Variants in TMCC2 observed in about 807,000 individuals in gnomAD.
The protein encoded by TMCC2 is transmembrane and coiled-coil domain family 2.
In TMCC2, 16 loss-of-function variants were observed where a neutral mutation model predicts 49.4. The ratio of observed to expected loss-of-function variants is 0.32; its 90% CI spans 0.22 to 0.49. TMCC2 has a LOEUF of 0.49. TMCC2 is among the 20% of genes least tolerant of loss of function. The probability of loss-of-function intolerance (pLI) is 0.99; values close to 1 mark genes in which losing one functional copy is unlikely to be tolerated. For missense variants in TMCC2, 762 were observed against 989.8 expected (o/e 0.77, Z 3.09); for synonymous variants, 397 against 434.1 (o/e 0.91, Z 1.06).
At chr1:205,268,878 C>A (rs775142019) in intron 2 of TMCC2, 72 bp from the exon 3 acceptor site, 2 of 1,475,894 alleles carry the variant, frequency 1.4e-6, no homozygotes, top group East Asian at 2.3e-5. Flanking sequence ...AAAACCAAGT[C>A]CAGAGGCATC....
At chr1:205,248,828 G>A (rs12070051) in intron 2 of TMCC2, among the ~76,000 whole-genome samples, 1 of 151,666 alleles carries the variant, frequency 6.6e-6, no homozygotes, top group Non-Finnish European at 1.5e-5. Context: ...TTCTCTCCTT[G>A]TTCAGAACCT....
Position 205,273,046 on chromosome 1 carries a change from C to CCAGCCCCACT in TMCC2, c.*923_*932dup, listed in dbSNP as rs1053746512. The stretch of plus-strand genomic sequence containing the variant: ...GCTGGGAGAAGTGGGACCGAGCCAC[C>CCAGCCCCACT]CAGCCCCACTATCCCCAAGCAGCCC... On this transcript the variant is annotated 3_prime_UTR_variant, in exon 5 of 5. Coordinates refer to ENST00000358024, the MANE Select transcript of TMCC2 (RefSeq NM_014858.4). The CCAGCCCCACT allele has an allele frequency of 1.1e-4, 17 of 152,272 alleles. No homozygotes were observed. The highest frequency in any genetic ancestry group is 9.2e-4 in the Admixed American group (14 of 15,294). 9.4% of individuals were successfully genotyped at this position (152,272 alleles called of 1,614,324 possible). A position where few individuals can be genotyped will look rare whatever the true frequency, so the allele number is the denominator to read the frequency against.
chr1:205,236,909 G>C (rs912603170), intron 1 of TMCC2: 1 of 152,100 alleles, frequency 6.6e-6, no homozygotes, highest in African/African-American at 2.4e-5. Flanking sequence ...CTAAAGACAT[G>C]GTGGATGAGG....
chr1:205,245,262 C>A (rs944465883), intron 2 of TMCC2, among the ~76,000 whole-genome samples: 1 of 152,102 alleles, frequency 6.6e-6, no homozygotes, highest in African/African-American at 2.4e-5. Context: ...ATGAGGGCTC[C>A]GGGGCAAGTG....
chr1:205,255,771 A>G (rs1343020453), intron 2 of TMCC2, among the ~76,000 whole-genome samples: 7 of 152,270 alleles, frequency 4.6e-5, no homozygotes, highest in African/African-American at 9.6e-5. Context: ...CTGCCTTATC[A>G]TTTAATAGGG....
intron 1 of TMCC2, among the ~76,000 whole-genome samples, chr1:205,231,005 C>CCA (rs1197207948): frequency 2.3e-5 from 3 of 131,130 alleles, no homozygotes; most frequent in South Asian, 3.0e-4. Flanking sequence ...CATCCCCCCC[C>CCA]CCGCCCCCAG....
At chr1:205,229,037 G>A (rs1300561190) in intron 1 of TMCC2, 2 of 1,320,570 alleles carry the variant, frequency 1.5e-6, no homozygotes, top group Non-Finnish European at 1.9e-6. Context: ...TTTGAATAAT[G>A]TGTGAAGTGT....
rs761943281 is a variant in TMCC2, at chr1:205,269,640, T to TCCAGCG, written c.1450_1455dup (p.Ala484_Ser485dup). 18 of 1,613,666 alleles carry TCCAGCG rather than the reference T, an allele frequency of 1.1e-5. No individual in the cohort carries two copies. The highest frequency in any genetic ancestry group is 4.0e-5 in the African/African-American group (3 of 75,044). On this transcript the variant is annotated inframe_insertion, in exon 3 of 5. Coordinates refer to ENST00000358024, the MANE Select transcript of TMCC2 (RefSeq NM_014858.4). Reference sequence around the variant, plus strand: ...CAAGTATGGCAGCGATGATGAGTGCTCCAGCGCCAGCGCCAGCTCAGCCGG... The same window carrying TCCAGCG: ...CAAGTATGGCAGCGATGATGAGTGCTCCAGCGCCAGCGCCAGCGCCAGCTCAGCCGG...
chr1:205,233,763 C>G (rs1244709880), intron 1 of TMCC2: 1 of 151,962 alleles, frequency 6.6e-6, no homozygotes, highest in Non-Finnish European at 1.5e-5. Context: ...CTGACATTCC[C>G]GAGAAGCACC....
intron 2 of TMCC2, among the ~76,000 whole-genome samples, chr1:205,267,625 A>T (rs1661395506): frequency 6.6e-6 from 1 of 152,182 alleles, no homozygotes; most frequent in Non-Finnish European, 1.5e-5. Flanking sequence ...CCAGGGGAGC[A>T]GGTCTCAGGC....
Position 205,264,781 on chromosome 1 carries a change from T to G in TMCC2, c.748-4169T>G, listed in dbSNP as rs1002953580. On this transcript the variant is annotated intron_variant, in intron 2 of 4. Transcript: ENST00000358024. This position sits in a 1 kb window ranked among gnomAD's most constrained non-coding sequence, Gnocchi z 4.2. Reference sequence around the variant, plus strand: ...TGCTGGGATTACAGGTGTGAGCCACTGCGCCTGGCCCCTGTATTTTAAAAT... The same window carrying G: ...TGCTGGGATTACAGGTGTGAGCCACGGCGCCTGGCCCCTGTATTTTAAAAT... Among the ~76,000 whole-genome samples, 1 of 152,184 alleles carries G rather than the reference T, an allele frequency of 6.6e-6. No homozygotes were observed. Among genetic ancestry groups the G allele is most frequent in the African/African-American group, 2.4e-5 (1 of 41,450 alleles).
intron 3 of TMCC2, 38 bp from the exon 4 acceptor site, chr1:205,271,082 G>C: frequency 6.2e-7 from 1 of 1,607,482 alleles, no homozygotes; most frequent in Non-Finnish European, 8.5e-7. Flanking sequence ...GGAAGCTCGG[G>C]GAGCCAGGAC....
At chr1:205,235,923 G>A (rs887089114) in intron 1 of TMCC2, among the ~76,000 whole-genome samples, 8 of 152,026 alleles carry the variant, frequency 5.3e-5, no homozygotes, top group African/African-American at 1.9e-4. Context: ...CAAAAAATTA[G>A]CCAGGCATGG....
rs1661610570 is a variant in TMCC2, at chr1:205,271,843, A to AC, written c.1851dup (p.Lys618GlnfsTer153). On this transcript the variant is annotated frameshift_variant, in exon 5 of 5. Coordinates refer to ENST00000358024, the MANE Select transcript of TMCC2 (RefSeq NM_014858.4). LOFTEE classifies it high-confidence loss of function. The stretch of plus-strand genomic sequence containing the variant: ...CGTGGAGTCCTGCCTGACCCGGGTC[A>AC]CCAAGCTGGAGCTGCAGCAGCAACA... The AC allele has an allele frequency of 6.2e-7, 1 of 1,612,904 alleles. No homozygotes were observed. The highest frequency in any genetic ancestry group is 1.3e-5 in the African/African-American group (1 of 74,908).
intron 2 of TMCC2, among the ~76,000 whole-genome samples, chr1:205,245,967 G>A (rs1156371815): frequency 1.3e-5 from 2 of 151,942 alleles, no homozygotes; most frequent in African/African-American, 2.4e-5. Context: ...GTAGAGATGG[G>A]GTTTCACCAT....
chr1:205,273,300 G>T lies in TMCC2; in HGVS notation c.*1176G>T, dbSNP rs1006058343. The T allele has an allele frequency of 1.3e-5, 2 of 152,192 alleles. No individual in the cohort carries two copies. Among genetic ancestry groups the T allele is most frequent in the African/African-American group, 4.8e-5 (2 of 41,422 alleles). 9.4% of individuals were successfully genotyped at this position (152,192 alleles called of 1,614,324 possible). On this transcript the variant is annotated 3_prime_UTR_variant, in exon 5 of 5. Coordinates refer to ENST00000358024, the MANE Select transcript of TMCC2 (RefSeq NM_014858.4). Reference sequence around the variant, plus strand: ...GGGAAAGCAGTGCCTGCCAGCTGTTGTGCACCTTCCTGAGAAATAAATATC... The same window carrying T: ...GGGAAAGCAGTGCCTGCCAGCTGTTTTGCACCTTCCTGAGAAATAAATATC...
rs982422990 is a variant in TMCC2, at chr1:205,264,596, C to T, written c.748-4354C>T. Reference sequence around the variant, plus strand: ...GCCTCCCAGGTTCGCGCCATTCTCCCGCCTCAGCCTCCCGAGTAGCTGGGA... The same window carrying T: ...GCCTCCCAGGTTCGCGCCATTCTCCTGCCTCAGCCTCCCGAGTAGCTGGGA... On this transcript the variant is annotated intron_variant, in intron 2 of 4. Transcript: ENST00000358024. This position sits in a 1 kb window ranked among gnomAD's most constrained non-coding sequence, Gnocchi z 4.2. 7.9e-5 allele frequency among the ~76,000 whole-genome samples: 12 copies of T among 152,138 alleles called. No individual in the cohort carries two copies. The East Asian group carries it at 1.9e-3, about 25-fold the overall frequency.
At chr1:205,256,230 A>G (rs780493058) in intron 2 of TMCC2, 38 of 1,501,382 alleles carry the variant, frequency 2.5e-5, no homozygotes, top group Non-Finnish European at 3.3e-5. Context: ...GTCTTTCTGA[A>G]CGACAGTTCT....
chr1:205,254,298 A>G (rs902956238), intron 2 of TMCC2, among the ~76,000 whole-genome samples: 1 of 152,134 alleles, frequency 6.6e-6, no homozygotes, highest in Non-Finnish European at 1.5e-5. Context: ...CCGTCCTCCC[A>G]TCACATTTGT....
Sources: allele counts gnomAD v4.1 joint callset (sites outside exome capture counted in the v4.1 genomes callset), GRCh38; gene constraint gnomAD v4.1.1; non-coding constraint Gnocchi (gnomAD v3.1); transcripts MANE v1.5; gene names NCBI Gene and HGNC (gene_info 2026-07-23, HGNC 2026-07-21).